ZNF396: variants seen among roughly 807,000 people sequenced by gnomAD.
ZNF396 encodes the protein zinc finger and SCAN domain-containing protein 14.
In ZNF396, 14 loss-of-function variants were observed where a neutral mutation model predicts 20.5. The observed-to-expected ratio is 0.68, with a 90% CI of 0.45 to 1.07. The LOEUF (loss-of-function observed/expected upper bound fraction) is 1.07, where lower values mean the gene tolerates loss of function less well. ZNF396 is among the 50% of genes least tolerant of loss of function. The pLI, the probability that ZNF396 is intolerant of heterozygous loss-of-function variation, is 0.00. For synonymous variants in ZNF396, 119 were observed against 140.6 expected, an observed-to-expected ratio of 0.85 and a Z score of 1.08; for missense variants, 347 against 390.1, an observed-to-expected ratio of 0.89 and a Z score of 0.93.
chr18:35,369,886 G>GAATAAGGATAAAAAGATATGTC (rs1346384557), intron 3 of ZNF396, among the ~76,000 whole-genome samples: 1 of 152,126 alleles, frequency 6.6e-6, no homozygotes, highest in Non-Finnish European at 1.5e-5. Flanking sequence ...ACAGAATAGG[G>GAATAAGGATAAAAAGATATGTC]AATAAGGATA....
rs1166239993 is a variant in ZNF396 at position 35,374,357 on chromosome 18, G to A, written c.-65C>T. On this transcript the variant is annotated 5_prime_UTR_variant, in exon 2 of 4. Transcript: ENST00000589332. The surrounding 1 kb of genome is among the most constrained non-coding windows in gnomAD (Gnocchi z 4.3). The stretch of plus-strand genomic sequence containing the variant: ...CTCAAGGAGGTGAAGCTGTCCTGAT[G>A]GACACTCCTTAAATATGATTAAAGA... The A allele has an allele frequency of 2.1e-6, 3 of 1,460,764 alleles. No homozygotes were observed. The highest frequency in any genetic ancestry group is 1.9e-5 in the Admixed American group (1 of 53,308). The allele number at this position is 1,460,764 out of a possible 1,614,324, so 90.5% of individuals were successfully genotyped here.
rs1478064324 is a variant in ZNF396, at chr18:35,366,798, C to G, written c.*2417G>C. 1.3e-5 allele frequency: 2 copies of G among 152,168 alleles called. No homozygotes were observed. Among genetic ancestry groups the G allele is most frequent in the Admixed American group, 6.5e-5 (1 of 15,286 alleles). 9.4% of individuals were successfully genotyped at this position (152,168 alleles called of 1,614,324 possible). A position where few individuals can be genotyped will look rare whatever the true frequency, so the allele number is the denominator to read the frequency against. On this transcript the variant is annotated 3_prime_UTR_variant, in exon 4 of 4. Transcript: ENST00000589332. ...TCAATGAATTCTCCTTTTATATAAA[C>G]TAGTACCATTCACTCATTAGGATAC...
chr18:35,370,244 A>T (rs2045154852), intron 3 of ZNF396, among the ~76,000 whole-genome samples: 3 of 151,622 alleles, frequency 2.0e-5, no homozygotes, highest in Non-Finnish European at 4.4e-5. Flanking sequence ...AAAAACCTCT[A>T]CTCCTGTATG....
At position 35,368,279 on chromosome 18, in the gene ZNF396, C is replaced by T. The variant is rs568246606; in HGVS notation, c.*936G>A. 5 of 855,828 alleles carry T rather than the reference C, an allele frequency of 5.8e-6. No homozygotes were observed. The Admixed American group carries it at 1.2e-4, about 21-fold the overall frequency. 53.0% of individuals were successfully genotyped at this position (855,828 alleles called of 1,614,324 possible). A position where few individuals can be genotyped will look rare whatever the true frequency, so the allele number is the denominator to read the frequency against. The stretch of plus-strand genomic sequence containing the variant: ...ACATTGCAAAGGAGATTATTTTTTT[C>T]CAACACGGGAAATTAACTTGATATT... On this transcript the variant is annotated 3_prime_UTR_variant, in exon 4 of 4. Transcript: ENST00000589332.
intron 1 of ZNF396, among the ~76,000 whole-genome samples, chr18:35,375,666 T>TG (rs371258690): frequency 0.12 from 17,289 of 149,536 alleles, 1,227 homozygotes; most frequent in Middle Eastern, 0.16. Context: ...AGCAACAAAG[T>TG]TGGGGGGGGA....
chr18:35,374,073 A>G lies in ZNF396; in HGVS notation c.220T>C (p.Trp74Arg), dbSNP rs148190809. 6.2e-7 allele frequency: 1 copy of G among 1,614,238 alleles called. No homozygotes were observed. The highest frequency in any genetic ancestry group is 8.5e-7 in the Non-Finnish European group (1 of 1,180,040). Residue 74 changes from tryptophan to arginine, a missense_variant, in exon 2 of 4, where the codon TGG becomes CGG. Physicochemically the swap from Trp to Arg is moderately radical, Grantham distance 101. Coordinates refer to ENST00000589332, the MANE Select transcript of ZNF396 (RefSeq NM_001322286.2). The surrounding 1 kb of genome is among the most constrained non-coding windows in gnomAD (Gnocchi z 4.3). ...PGPHEALSRLWELCHLWLRPE... is the reference protein window; with the variant it reads ...PGPHEALSRLRELCHLWLRPE... ...CTCAGCCAGAGATGACAAAGTTCCC[A>G]GAGCCGGCTCAGAGCCTCATGGGGC...
chr18:35,368,895 A>G lies in ZNF396; in HGVS notation c.*320T>C, dbSNP rs909265187. On this transcript the variant is annotated 3_prime_UTR_variant, in exon 4 of 4. Transcript: ENST00000589332. ...GGAAAAAACATACTTGTCTAAAAAG[A>G]TATATACTAATTCATTATATGTGTT... The G allele has an allele frequency of 9.3e-7, 1 of 1,075,444 alleles. No homozygotes were observed. The allele number at this position is 1,075,444 out of a possible 1,614,324, so 66.6% of individuals were successfully genotyped here.
chr18:35,370,584 C>T (rs10468921), intron 3 of ZNF396, among the ~76,000 whole-genome samples: 38,271 of 134,858 alleles, frequency 0.28, 6,143 homozygotes, highest in Admixed American at 0.37. Flanking sequence ...GGGATCTCGG[C>T]TCACTGCAAG....
intron 2 of ZNF396, 131 bp from the exon 3 acceptor site, chr18:35,373,731 T>C: frequency 6.7e-7 from 1 of 1,493,738 alleles, no homozygotes; most frequent in Non-Finnish European, 9.0e-7. Flanking sequence ...AGCCACCTTC[T>C]ATTTGCTGGG....
At chr18:35,370,112 G>C (rs2045153065) in intron 3 of ZNF396, among the ~76,000 whole-genome samples, 1 of 152,082 alleles carries the variant, frequency 6.6e-6, no homozygotes, top group South Asian at 2.1e-4. Context: ...AGAAAGCCAA[G>C]GGGCCAAAAA....
intron 3 of ZNF396, among the ~76,000 whole-genome samples, chr18:35,370,873 CA>C (rs1350737797): frequency 1.3e-5 from 2 of 152,150 alleles, no homozygotes; most frequent in Non-Finnish European, 2.9e-5. Flanking sequence ...TTTATAAAAG[CA>C]AAGTACAACA....
In ZNF396 at chr18:35,368,170, T is replaced by C. The variant is rs1423251101; in HGVS notation, c.*1045A>G. On this transcript the variant is annotated 3_prime_UTR_variant, in exon 4 of 4. Coordinates refer to ENST00000589332, the MANE Select transcript of ZNF396 (RefSeq NM_001322286.2). ...TACAGAAGCACCCATAGATTAATAT[T>C]GTTATGAAAACATTCCTTATGTTTA... is the stretch of plus-strand genomic sequence containing the variant. The C allele has an allele frequency of 3.0e-6, 1 of 332,606 alleles. No homozygotes were observed. Among genetic ancestry groups the C allele is most frequent in the East Asian group, 4.6e-5 (1 of 21,780 alleles). 20.6% of individuals were successfully genotyped at this position (332,606 alleles called of 1,614,324 possible). A position where few individuals can be genotyped will look rare whatever the true frequency, so the allele number is the denominator to read the frequency against.
chr18:35,369,355 G>C lies in ZNF396; in HGVS notation c.868C>G (p.Arg290Gly), dbSNP rs369731655. Residue 290 changes from arginine to glycine, a missense_variant, in exon 4 of 4, where the codon CGA (arginine) becomes GGA (glycine). Transcript: ENST00000589332. ...ACDECAKAFS[R>G]SAILIQHRRT... ...CGATGCTGAATCAGAATTGCGCTTC[G>C]GCTGAATGCCTTTGCACACTCGTCA... 4.3e-6 allele frequency: 7 copies of C among 1,614,116 alleles called. No individual in the cohort carries two copies. The highest frequency in any genetic ancestry group is 1.6e-4 in the Middle Eastern group (1 of 6,062).
Position 35,368,339 on chromosome 18 carries a change from T to C in ZNF396, c.*876A>G. The C allele has an allele frequency of 2.1e-6, 3 of 1,410,278 alleles. No homozygotes were observed. The highest frequency in any genetic ancestry group is 2.8e-6 in the Non-Finnish European group (3 of 1,070,134). The allele number at this position is 1,410,278 out of a possible 1,614,324, so 87.4% of individuals were successfully genotyped here. A position where few individuals can be genotyped will look rare whatever the true frequency, so the allele number is the denominator to read the frequency against. ...GAGGCTCTTGTGTGCTTTCATAAGA[T>C]AAGGCCTTTATTTATCTGCCTCCTG... On this transcript the variant is annotated 3_prime_UTR_variant, in exon 4 of 4. Transcript: ENST00000589332.
intron 3 of ZNF396, among the ~76,000 whole-genome samples, chr18:35,370,755 C>T (rs1444977594): frequency 1.3e-5 from 2 of 151,772 alleles, no homozygotes; most frequent in African/African-American, 2.4e-5. Context: ...CCTCGTGATC[C>T]GCCCGCCTCG....
At chr18:35,370,347 C>T (rs1482662609) in intron 3 of ZNF396, among the ~76,000 whole-genome samples, 3 of 152,106 alleles carry the variant, frequency 2.0e-5, no homozygotes, top group East Asian at 1.9e-4. Flanking sequence ...TTATGGGCTG[C>T]GGCCACTCAG....
rs1279678367 is a variant in ZNF396, at chr18:35,367,705, T to C, written c.*1510A>G. The C allele has an allele frequency of 1.3e-5, 2 of 152,264 alleles. No individual in the cohort carries two copies. Among genetic ancestry groups the C allele is most frequent in the Middle Eastern group, 3.2e-3 (1 of 316 alleles). 9.4% of individuals were successfully genotyped at this position (152,264 alleles called of 1,614,324 possible). On this transcript the variant is annotated 3_prime_UTR_variant, in exon 4 of 4. Transcript: ENST00000589332. ...AATGCAGGTAAAACATAGTTACTCA[T>C]ATCCCATAGATAAGCCAAATAAGAT...
chr18:35,370,890 G>T (rs895739563), intron 3 of ZNF396, among the ~76,000 whole-genome samples: 4 of 152,120 alleles, frequency 2.6e-5, no homozygotes. Flanking sequence ...CAACAGTTTT[G>T]GACATGTCTG....
chr18:35,375,051 G>T (rs2143914247), intron 1 of ZNF396, among the ~76,000 whole-genome samples: 1 of 152,144 alleles, frequency 6.6e-6, no homozygotes, highest in Middle Eastern at 3.4e-3. Flanking sequence ...AGAGCTCAAA[G>T]AAATAGTCTC....
Sources: allele counts gnomAD v4.1 joint callset (sites outside exome capture counted in the v4.1 genomes callset), GRCh38; gene constraint gnomAD v4.1.1; non-coding constraint Gnocchi (gnomAD v3.1); transcripts MANE v1.5; gene names NCBI Gene and HGNC (gene_info 2026-07-23, HGNC 2026-07-21).